Variants in NUDT5 observed in about 807,000 individuals in gnomAD.
The protein encoded by NUDT5 is ADP-sugar pyrophosphatase.
A neutral mutation model predicts 34.1 loss-of-function variants in NUDT5; 21 were observed. The observed-to-expected ratio is 0.62, with a 90% CI of 0.44 to 0.89. NUDT5 has a LOEUF of 0.89. Ranked by LOEUF, NUDT5 falls within the 40% of genes least tolerant of loss-of-function variation. NUDT5 has a pLI of 0.00. For synonymous variants in NUDT5, 85 were observed against 97.6 expected (o/e 0.87, Z 0.76); for missense variants, 249 against 274.8 (o/e 0.91, Z 0.66).
chr10:12,172,648 T>A, intron 7 of NUDT5, 117 bp downstream of exon 7: 2 of 698,318 alleles, frequency 2.9e-6, no homozygotes, highest in Admixed American at 2.3e-5. Flanking sequence ...TGAAGTCTAT[T>A]TGAAAGACCG....
Position 12,165,484 on chromosome 10 carries a change from TA to T in NUDT5, c.*2217del, listed in dbSNP as rs138273926. Reference sequence around the variant, plus strand: ...CTGAGATGCCTGTAAAAGTCAAATGTAATTACACTTCAAACTTTAATCCTAA... The same window carrying T: ...CTGAGATGCCTGTAAAAGTCAAATGTATTACACTTCAAACTTTAATCCTAA... On this transcript the variant is annotated 3_prime_UTR_variant, in exon 10 of 10. Coordinates refer to ENST00000491614, the MANE Select transcript of NUDT5 (RefSeq NM_014142.4). The T allele has an allele frequency of 1.0e-3, 432 of 430,994 alleles. 2 individuals carry two copies. The highest frequency in any genetic ancestry group is 8.8e-3 in the African/African-American group (409 of 46,526). The allele number at this position is 430,994 out of a possible 1,614,324, so 26.7% of individuals were successfully genotyped here.
chr10:12,167,897 C>G, intron 9 of NUDT5, 86 bp from the exon 10 acceptor site: 2 of 1,572,404 alleles, frequency 1.3e-6, no homozygotes, highest in Non-Finnish European at 1.7e-6. Flanking sequence ...GCAGCAGGTA[C>G]TACTATATGT....
rs368661119 is a variant in NUDT5 at position 12,170,865 on chromosome 10, A to G, written c.496+35T>C. On this transcript the variant is annotated intron_variant, in intron 8 of 9. Transcript: ENST00000491614. The surrounding 1 kb of genome is among the most constrained non-coding windows in gnomAD (Gnocchi z 4.9). ...GCAGCCATCACCACTACACTAAGTC[A>G]TACACGCTCGGCCACCAGGAGTTGC... The G allele has an allele frequency of 2.2e-4, 354 of 1,613,956 alleles. 1 individual carries two copies. The highest frequency in any genetic ancestry group is 2.6e-4 in the Non-Finnish European group (307 of 1,179,882).
At position 12,173,573 on chromosome 10, in the gene NUDT5, G is replaced by A. The variant is rs1379800147; in HGVS notation, c.385+145C>T. On this transcript the variant is annotated intron_variant, in intron 6 of 9. Transcript: ENST00000491614. This position sits in a 1 kb window ranked among gnomAD's most constrained non-coding sequence, Gnocchi z 4.7. ...TCTGGCTCCAGTTTCCTCCTGGGAG[G>A]GGAGATTCCCTTACACTTGGTGACC... is the stretch of plus-strand genomic sequence containing the variant. 1.5e-6 allele frequency: 1 copy of A among 654,004 alleles called. No homozygotes were observed. The highest frequency in any genetic ancestry group is 2.7e-5 in the East Asian group (1 of 37,430). The allele number at this position is 654,004 out of a possible 1,614,324, so 40.5% of individuals were successfully genotyped here.
intron 5 of NUDT5, among the ~76,000 whole-genome samples, chr10:12,176,259 G>A (rs1588657114): frequency 6.6e-6 from 1 of 152,062 alleles, no homozygotes; most frequent in African/African-American, 2.4e-5. Flanking sequence ...GTGAGGAAAT[G>A]AGAAAAATCA....
At chr10:12,193,919 C>A (rs147716326) in intron 1 of NUDT5, among the ~76,000 whole-genome samples, 3,760 of 151,780 alleles carry the variant, frequency 0.025, 160 homozygotes, top group African/African-American at 0.087. Flanking sequence ...GCTCTGTTGC[C>A]AGGCTGGAGT....
chr10:12,191,995 A>T (rs957339561), intron 1 of NUDT5, among the ~76,000 whole-genome samples: 2 of 152,168 alleles, frequency 1.3e-5, no homozygotes, highest in African/African-American at 4.8e-5. Context: ...GAAGCAAAAA[A>T]TCCTAACAAG....
chr10:12,181,377 A>G lies in NUDT5; in HGVS notation c.132-2245T>C, dbSNP rs1315393862. Among the ~76,000 whole-genome samples the G allele has an allele frequency of 6.6e-6, 1 of 152,178 alleles. No individual in the cohort carries two copies. The highest frequency in any genetic ancestry group is 1.5e-5 in the Non-Finnish European group (1 of 68,028). On this transcript the variant is annotated intron_variant, in intron 3 of 9. Transcript: ENST00000491614. This position sits in a 1 kb window ranked among gnomAD's most constrained non-coding sequence, Gnocchi z 5.0. The stretch of plus-strand genomic sequence containing the variant: ...CCAACCCCGACAGACACCAAGTGAC[A>G]GCTGTACAGGTTGAGTATTCCTTAC...
chr10:12,186,570 C>T (rs987490977), intron 1 of NUDT5, among the ~76,000 whole-genome samples: 5 of 152,024 alleles, frequency 3.3e-5, no homozygotes, highest in Admixed American at 6.6e-5. Context: ...AAGCTCCTGC[C>T]ATGCCTGTTC....
rs555490642 is a variant in NUDT5 at position 12,187,767 on chromosome 10, G to C, written c.-41-1435C>G. On this transcript the variant is annotated intron_variant, in intron 1 of 9. Coordinates refer to ENST00000491614, the MANE Select transcript of NUDT5 (RefSeq NM_014142.4). This position sits in a 1 kb window ranked among gnomAD's most constrained non-coding sequence, Gnocchi z 5.4. Reference sequence around the variant, plus strand: ...AAGTCAAGTGGGTCCTTTCAATCTGGAAACTTCTTACTATGCTTCTTTACA... The same window carrying C: ...AAGTCAAGTGGGTCCTTTCAATCTGCAAACTTCTTACTATGCTTCTTTACA... Among the ~76,000 whole-genome samples, 1 of 152,230 alleles carries C rather than the reference G, an allele frequency of 6.6e-6. No homozygotes were observed. Among genetic ancestry groups the C allele is most frequent in the Admixed American group, 6.5e-5 (1 of 15,300 alleles).
At chr10:12,178,832 A>G (rs1236371021) in intron 4 of NUDT5, among the ~76,000 whole-genome samples, 3 of 152,256 alleles carry the variant, frequency 2.0e-5, no homozygotes, top group Non-Finnish European at 2.9e-5. Context: ...GCTTCAAACT[A>G]TATTGATTTA....
chr10:12,168,280 T>C lies in NUDT5; in HGVS notation c.551-469A>G, dbSNP rs1834758845. On this transcript the variant is annotated intron_variant, in intron 9 of 9. Transcript: ENST00000491614. The surrounding 1 kb of genome is among the most constrained non-coding windows in gnomAD (Gnocchi z 4.8). ...ACCTCGTGATCCACCCGCCTCAGCC[T>C]CCCAAAGTGCTGGGATTACAGGCGT... Among the ~76,000 whole-genome samples, 1 of 152,172 alleles carries C rather than the reference T, an allele frequency of 6.6e-6. No individual in the cohort carries two copies. The highest frequency in any genetic ancestry group is 2.1e-4 in the South Asian group (1 of 4,834).
chr10:12,189,238 T>C (rs1835181082), intron 1 of NUDT5, among the ~76,000 whole-genome samples: 1 of 152,200 alleles, frequency 6.6e-6, no homozygotes, highest in Non-Finnish European at 1.5e-5. Flanking sequence ...CCCGAGTACC[T>C]GGGATTACAG....
chr10:12,193,908 C>T (rs1449953891), intron 1 of NUDT5, among the ~76,000 whole-genome samples: 2 of 150,942 alleles, frequency 1.3e-5, no homozygotes, highest in Non-Finnish European at 2.9e-5. Context: ...AAAAGAGTCT[C>T]GCTCTGTTGC....
chr10:12,192,621 A>G (rs535313017), intron 1 of NUDT5, among the ~76,000 whole-genome samples: 7 of 152,312 alleles, frequency 4.6e-5, no homozygotes, highest in Admixed American at 3.3e-4. Context: ...TCGGAGGCCA[A>G]GGCAGGTGGA....
At chr10:12,188,780 A>G (rs948593570) in intron 1 of NUDT5, among the ~76,000 whole-genome samples, 1 of 148,528 alleles carries the variant, frequency 6.7e-6, no homozygotes, top group African/African-American at 2.5e-5. Flanking sequence ...AAAGACCCTC[A>G]CTCCCCCGGA....
chr10:12,167,624 A>C lies in NUDT5; in HGVS notation c.*78T>G. On this transcript the variant is annotated 3_prime_UTR_variant, in exon 10 of 10. Transcript: ENST00000491614. ...AAAAGCTAATGGCAAATCTACATTA[A>C]ACTAAGTTGAATACAAAGTCTTAGT... 1 of 1,374,796 alleles carries C rather than the reference A, an allele frequency of 7.3e-7. No homozygotes were observed. Among genetic ancestry groups the C allele is most frequent in the Non-Finnish European group, 1.0e-6 (1 of 975,472 alleles). The allele number at this position is 1,374,796 out of a possible 1,614,324, so 85.2% of individuals were successfully genotyped here. A position where few individuals can be genotyped will look rare whatever the true frequency, so the allele number is the denominator to read the frequency against.
chr10:12,192,035 T>C (rs1835239216), intron 1 of NUDT5, among the ~76,000 whole-genome samples: 1 of 152,118 alleles, frequency 6.6e-6, no homozygotes, highest in Admixed American at 6.5e-5. Context: ...TCTCTCCTGA[T>C]AAAAGATGAA....
chr10:12,166,265 A>G lies in NUDT5; in HGVS notation c.*1437T>C, dbSNP rs1315948682. 3.3e-5 allele frequency: 5 copies of G among 153,358 alleles called. No homozygotes were observed. The highest frequency in any genetic ancestry group is 4.4e-5 in the Non-Finnish European group (3 of 68,836). The allele number at this position is 153,358 out of a possible 1,614,324, so 9.5% of individuals were successfully genotyped here. A position where few individuals can be genotyped will look rare whatever the true frequency, so the allele number is the denominator to read the frequency against. ...ACGGATGCCTTCTCTCTTGATTTCA[A>G]TGATTGATAGCATGTGGCTTTCAGA... On this transcript the variant is annotated 3_prime_UTR_variant, in exon 10 of 10. Coordinates refer to ENST00000491614, the MANE Select transcript of NUDT5 (RefSeq NM_014142.4).
Sources: allele counts gnomAD v4.1 joint callset (sites outside exome capture counted in the v4.1 genomes callset), GRCh38; gene constraint gnomAD v4.1.1; non-coding constraint Gnocchi (gnomAD v3.1); transcripts MANE v1.5; gene names NCBI Gene and HGNC (gene_info 2026-07-23, HGNC 2026-07-21).